The following STAM2 variants were observed in gnomAD, a reference collection of about 807,000 sequenced individuals.
The protein encoded by STAM2 is signal transducing adaptor molecule 2.
STAM2 carries 51 observed loss-of-function variants against 65.6 expected under a neutral mutation model. That is an observed-to-expected ratio of 0.78 (90% CI 0.62 to 0.98). The LOEUF (loss-of-function observed/expected upper bound fraction) is 0.98, where lower values mean the gene tolerates loss of function less well. STAM2 is among the 50% of genes least tolerant of loss of function. The pLI, the probability that STAM2 is intolerant of heterozygous loss-of-function variation, is 0.00. For synonymous variants in STAM2, 198 were observed against 208.4 expected (o/e 0.95, Z 0.43); for missense variants, 584 against 617.8 (o/e 0.95, Z 0.58).
chr2:152,169,682 G>A (rs961106168), intron 1 of STAM2, among the ~76,000 whole-genome samples: 4 of 152,166 alleles, frequency 2.6e-5, no homozygotes, highest in African/African-American at 9.7e-5. Flanking sequence ...TGGCAATGAA[G>A]TAGAAATAGA....
At chr2:152,131,661 GA>G in intron 11 of STAM2, 1 of 191,386 alleles carries the variant, frequency 5.2e-6, no homozygotes, top group Non-Finnish European at 1.1e-5. Context: ...AAGATGATCA[GA>G]AAAGGCAAAG....
intron 1 of STAM2, among the ~76,000 whole-genome samples, chr2:152,152,540 C>T (rs1579326739): frequency 6.7e-6 from 1 of 149,526 alleles, no homozygotes; most frequent in Non-Finnish European, 1.5e-5. Flanking sequence ...CAGAGTGAGA[C>T]TCTGTCTCAA....
chr2:152,173,625 G>A (rs906870084), intron 1 of STAM2, among the ~76,000 whole-genome samples: 2 of 151,886 alleles, frequency 1.3e-5, no homozygotes, highest in African/African-American at 2.4e-5. Flanking sequence ...TCAAACTCCC[G>A]ACCTCCAGTG....
chr2:152,126,712 A>AC (rs34641996), intron 11 of STAM2, among the ~76,000 whole-genome samples: 34,754 of 151,734 alleles, frequency 0.23, 4,086 homozygotes, highest in Admixed American at 0.31. Context: ...TCCTTTGCAA[A>AC]CCCCCCACGT....
intron 7 of STAM2, among the ~76,000 whole-genome samples, chr2:152,137,263 C>A (rs558955112): frequency 6.6e-5 from 10 of 152,106 alleles, no homozygotes; most frequent in Admixed American, 5.9e-4. Flanking sequence ...CTCCTCCCCC[C>A]GGTTGCATGT....
chr2:152,145,814 T>C (rs2105547072), intron 5 of STAM2, among the ~76,000 whole-genome samples: 1 of 152,346 alleles, frequency 6.6e-6, no homozygotes, highest in East Asian at 1.9e-4. Flanking sequence ...ATAAACAGCA[T>C]GTAAGACAGG....
intron 7 of STAM2, among the ~76,000 whole-genome samples, chr2:152,136,079 G>C (rs1466063453): frequency 2.3e-5 from 3 of 128,156 alleles, no homozygotes; most frequent in Non-Finnish European, 4.8e-5. Context: ...GACACAGCAA[G>C]ACTCGTCTCA....
chr2:152,171,045 A>G (rs574849816), intron 1 of STAM2, among the ~76,000 whole-genome samples: 11 of 152,314 alleles, frequency 7.2e-5, no homozygotes, highest in Non-Finnish European at 2.9e-5. Flanking sequence ...ACAAAAAGAC[A>G]CCATTTTTAA....
Position 152,144,952 on chromosome 2 carries a change from G to A in STAM2, c.453C>T (p.Val151=). Residue 151 remains valine (V), a synonymous_variant, in exon 6 of 14, where the codon GTC becomes GTT. Coordinates refer to ENST00000263904, the MANE Select transcript of STAM2 (RefSeq NM_005843.6). ...ACGTACCATTCTTGGCAGCAGCTGAGACAGTCTGTAAATGTATGAGTAAAA... is the reference window on the plus strand; with the variant it reads ...ACGTACCATTCTTGGCAGCAGCTGAAACAGTCTGTAAATGTATGAGTAAAA... The part of the protein sequence containing the change: ...ITFPPAGSQT[V]SAAAKNGTSS... The A allele has an allele frequency of 6.2e-7, 1 of 1,613,150 alleles. No homozygotes were observed. The highest frequency in any genetic ancestry group is 1.3e-5 in the African/African-American group (1 of 75,038).
At chr2:152,148,161 T>C (rs1300532720) in intron 3 of STAM2, 39 bp from the exon 4 acceptor site, 2 of 1,588,270 alleles carry the variant, frequency 1.3e-6, no homozygotes, top group Non-Finnish European at 1.7e-6. Flanking sequence ...ATTGAAATAT[T>C]AACTTACTGT....
chr2:152,146,993 C>T (rs548107110), intron 5 of STAM2, among the ~76,000 whole-genome samples, 169 bp downstream of exon 5: 1 of 152,234 alleles, frequency 6.6e-6, no homozygotes, highest in East Asian at 1.9e-4. Context: ...AAGAAATACA[C>T]ATAAAAACTA....
At chr2:152,123,984 C>T in intron 12 of STAM2, 49 bp from the exon 13 acceptor site, 1 of 1,449,042 alleles carries the variant, frequency 6.9e-7, no homozygotes, top group Non-Finnish European at 9.6e-7. Context: ...CAAACATGTG[C>T]CTAATAATAT....
At position 152,144,025 on chromosome 2, in the gene STAM2, A is replaced by T; in HGVS notation, c.518-12T>A. The T allele has an allele frequency of 6.3e-7, 1 of 1,593,512 alleles. No homozygotes were observed. Among genetic ancestry groups the T allele is most frequent in the Non-Finnish European group, 8.5e-7 (1 of 1,174,870 alleles). On this transcript the variant is annotated splice_polypyrimidine_tract_variant and intron_variant, in intron 6 of 13. Transcript: ENST00000263904. The stretch of plus-strand genomic sequence containing the variant: ...CGATAATTCAATAGCTAGTTTCAAA[A>T]ATTAAAATGCAAAGAAACTGGAATT...
Position 152,133,396 on chromosome 2 carries a change from C to T in STAM2, c.882+6G>A. 1 of 1,607,068 alleles carries T rather than the reference C, an allele frequency of 6.2e-7. No individual in the cohort carries two copies. Among genetic ancestry groups the T allele is most frequent in the South Asian group, 1.1e-5 (1 of 90,362 alleles). On this transcript the variant is annotated splice_donor_region_variant and intron_variant, in intron 9 of 13. Coordinates refer to ENST00000263904, the MANE Select transcript of STAM2 (RefSeq NM_005843.6). ...GTTTAACTATTAAACAAAAGAGGGACCCTACCTCATCTATATAAACAGGCT... is the reference window on the plus strand; with the variant it reads ...GTTTAACTATTAAACAAAAGAGGGATCCTACCTCATCTATATAAACAGGCT...
chr2:152,139,725 G>C (rs1292181050), intron 7 of STAM2, among the ~76,000 whole-genome samples: 3 of 152,124 alleles, frequency 2.0e-5, no homozygotes, highest in Non-Finnish European at 4.4e-5. Flanking sequence ...ATTTAGTAGA[G>C]AGACATACGT....
At chr2:152,125,719 T>A (rs1182585256) in intron 12 of STAM2, among the ~76,000 whole-genome samples, 1 of 152,188 alleles carries the variant, frequency 6.6e-6, no homozygotes, top group Admixed American at 6.5e-5. Flanking sequence ...GTAAAGGAAG[T>A]ATAAAGCATA....
chr2:152,138,242 A>G (rs1689189914), intron 7 of STAM2, among the ~76,000 whole-genome samples: 1 of 152,140 alleles, frequency 6.6e-6, no homozygotes, highest in Non-Finnish European at 1.5e-5. Context: ...ATAATATGTA[A>G]AAATATATTT....
chr2:152,151,178 CTTT>C (rs1159526368), intron 1 of STAM2, among the ~76,000 whole-genome samples: 2 of 121,188 alleles, frequency 1.7e-5, no homozygotes, highest in Admixed American at 8.6e-5. Context: ...TACATGAGTT[CTTT>C]TTTTTTTTTT....
chr2:152,159,083 C>CA lies in STAM2; in HGVS notation c.41-8855dup, dbSNP rs1247320470. Among the ~76,000 whole-genome samples, 314 of 71,646 alleles carry CA rather than the reference C, an allele frequency of 4.4e-3. 8 individuals are homozygous for CA. Among genetic ancestry groups the CA allele is most frequent in the Admixed American group, 7.3e-3 (51 of 6,996 alleles). 47.0% of individuals were successfully genotyped at this position (71,646 alleles called of 152,430 possible). A position where few individuals can be genotyped will look rare whatever the true frequency, so the allele number is the denominator to read the frequency against. ...AGTATAAGAACCAAGAAAAGCTAGC[C>CA]AAAAAAAAACCATATATATATATAT... On this transcript the variant is annotated intron_variant, in intron 1 of 13. Transcript: ENST00000263904.
Sources: gnomAD v4.1 joint callset for allele counts (sites outside exome capture counted in the v4.1 genomes callset) on GRCh38, gnomAD v4.1.1 for gene constraint, MANE v1.5 for transcripts, NCBI Gene and HGNC (gene_info 2026-07-23, HGNC 2026-07-21) for gene names.